The following EFCAB11 variants were observed in gnomAD, a reference collection of about 807,000 sequenced individuals.
EFCAB11 encodes EF-hand calcium-binding domain-containing protein 11.
Under a neutral mutation model 23.0 loss-of-function variants are expected in EFCAB11, and 14 were observed. The observed-to-expected ratio is 0.61, with a 90% confidence interval of 0.40 to 0.95. The LOEUF (loss-of-function observed/expected upper bound fraction) is 0.95. Among genes scored for constraint, EFCAB11 ranks in the 40% least tolerant of loss-of-function variants. The probability of loss-of-function intolerance (pLI) is 0.00; values close to 1 mark genes in which losing one functional copy is unlikely to be tolerated. For missense variants in EFCAB11, 198 were observed against 195.8 expected, an observed-to-expected ratio of 1.01 and a Z score of -0.07; for synonymous variants, 65 against 66.6, an observed-to-expected ratio of 0.98 and a Z score of 0.11.
intron 2 of EFCAB11, chr14:89,952,643 T>C (rs998899903): frequency 2.2e-5 from 21 of 976,012 alleles, no homozygotes; most frequent in Middle Eastern, 5.2e-4. Flanking sequence ...TTAATACTTA[T>C]TGTGCATCAC....
intron 5 of EFCAB11, among the ~76,000 whole-genome samples, chr14:89,838,679 A>T (rs1309468395): frequency 1.3e-5 from 2 of 152,206 alleles, no homozygotes; most frequent in African/African-American, 4.8e-5. Context: ...ATACAAACGC[A>T]TTTTGCTTCC....
chr14:89,894,702 C>A (rs573488795), intron 5 of EFCAB11, among the ~76,000 whole-genome samples: 1 of 152,046 alleles, frequency 6.6e-6, no homozygotes, highest in Non-Finnish European at 1.5e-5. Flanking sequence ...AGGATTGGAA[C>A]GGAAGAAATA....
chr14:89,824,587 G>T (rs1230730873), intron 5 of EFCAB11, among the ~76,000 whole-genome samples: 1 of 152,024 alleles, frequency 6.6e-6, no homozygotes, highest in African/African-American at 2.4e-5. Context: ...TAAAAATCAG[G>T]ATTGCCAGAA....
At chr14:89,886,584 T>A (rs1022840160) in intron 5 of EFCAB11, among the ~76,000 whole-genome samples, 1 of 149,270 alleles carries the variant, frequency 6.7e-6, no homozygotes, top group Non-Finnish European at 1.5e-5. Flanking sequence ...CTGATTTAAG[T>A]ATATCTTAAA....
At chr14:89,932,134 C>G (rs1566816890) in intron 4 of EFCAB11, among the ~76,000 whole-genome samples, 2 of 152,082 alleles carry the variant, frequency 1.3e-5, no homozygotes, top group Admixed American at 6.6e-5. Flanking sequence ...AGCCACCCAC[C>G]CCTCTCAGCC....
intron 2 of EFCAB11, among the ~76,000 whole-genome samples, chr14:89,951,781 C>T (rs1033311054): frequency 1.3e-5 from 2 of 151,528 alleles, no homozygotes; most frequent in African/African-American, 4.9e-5. Flanking sequence ...AAAAAAGAAC[C>T]GGGTATGGTC....
chr14:89,854,421 C>T (rs1252076570), intron 5 of EFCAB11, among the ~76,000 whole-genome samples: 1 of 152,126 alleles, frequency 6.6e-6, no homozygotes, highest in Admixed American at 6.5e-5. Flanking sequence ...ATTCAGGATA[C>T]TAAGCTATAA....
intron 5 of EFCAB11, among the ~76,000 whole-genome samples, chr14:89,872,680 T>C (rs1888318462): frequency 6.6e-6 from 1 of 152,158 alleles, no homozygotes; most frequent in Admixed American, 6.5e-5. Flanking sequence ...AGAATGTGAC[T>C]GTAATTAGAG....
At chr14:89,807,881 C>T (rs10135269) in intron 5 of EFCAB11, among the ~76,000 whole-genome samples, 4,249 of 151,972 alleles carry the variant, frequency 0.028, 204 homozygotes, top group African/African-American at 0.096. Context: ...ATCCTCAATT[C>T]GGTAATTAAA....
chr14:89,893,369 A>T (rs1889042878), intron 5 of EFCAB11, among the ~76,000 whole-genome samples: 3 of 152,046 alleles, frequency 2.0e-5, no homozygotes, highest in Admixed American at 2.0e-4. Flanking sequence ...GGAGGCTGGG[A>T]TGAACACGAA....
At chr14:89,908,756 T>C (rs1305437199) in intron 5 of EFCAB11, among the ~76,000 whole-genome samples, 1 of 152,060 alleles carries the variant, frequency 6.6e-6, no homozygotes, top group Non-Finnish European at 1.5e-5. Context: ...AGGTATACAA[T>C]GGAGATCAAT....
intron 5 of EFCAB11, among the ~76,000 whole-genome samples, chr14:89,819,579 G>A (rs74699876): frequency 0.017 from 2,580 of 151,896 alleles, 65 homozygotes; most frequent in African/African-American, 0.059. Context: ...ACAGGGACAT[G>A]CCACCATGTC....
At position 89,892,035 on chromosome 14, in the gene EFCAB11, C is replaced by T. The variant is rs1277745204; in HGVS notation, c.410+39506G>A. ...GAGCGCTTCAGCTGCATCACCGGGT[C>T]CTTTTACCGGAATGTGGTGGGTGTC... is the stretch of plus-strand genomic sequence containing the variant. On this transcript the variant is annotated intron_variant, in intron 5 of 5. Transcript: ENST00000316738. The T allele has an allele frequency of 1.9e-6, 3 of 1,538,532 alleles. No homozygotes were observed. In the African/African-American group the frequency reaches 4.1e-5, roughly 21 times the overall value.
intron 5 of EFCAB11, among the ~76,000 whole-genome samples, chr14:89,889,190 T>G (rs539502020): frequency 3.9e-5 from 6 of 152,342 alleles, no homozygotes; most frequent in African/African-American, 1.2e-4. Context: ...TCTTCCTTTT[T>G]TTGACAATTT....
At chr14:89,949,976 C>T (rs1891109722) in intron 3 of EFCAB11, 121 bp downstream of exon 3, 1 of 1,095,590 alleles carries the variant, frequency 9.1e-7, no homozygotes, top group African/African-American at 1.6e-5. Context: ...GATTCAGTTA[C>T]CTTCCACCAG....
chr14:89,871,747 G>A (rs144628754), intron 5 of EFCAB11, among the ~76,000 whole-genome samples: 6 of 152,156 alleles, frequency 3.9e-5, no homozygotes, highest in African/African-American at 1.4e-4. Flanking sequence ...ACCTCCCCTT[G>A]ATATTATCCT....
chr14:89,802,577 G>A lies in EFCAB11; in HGVS notation c.411-5253C>T, dbSNP rs914268160. ...CGGCTAATTTTTTGTAGTTTTAGTA[G>A]AGATGGGGTTTCGCCATGCTGACCA... On this transcript the variant is annotated intron_variant, in intron 5 of 5. Coordinates refer to ENST00000316738, the MANE Select transcript of EFCAB11 (RefSeq NM_145231.4). Among the ~76,000 whole-genome samples the A allele has an allele frequency of 2.0e-5, 3 of 152,258 alleles. No individual in the cohort carries two copies. In the East Asian group the frequency reaches 5.8e-4, roughly 29 times the overall value.
At chr14:89,935,397 G>GTTTTT (rs60594341) in intron 3 of EFCAB11, among the ~76,000 whole-genome samples, 1 of 135,794 alleles carries the variant, frequency 7.4e-6, no homozygotes, top group Non-Finnish European at 1.6e-5. Flanking sequence ...ATGCATGTGG[G>GTTTTT]TTTTTTTTTT....
intron 5 of EFCAB11, among the ~76,000 whole-genome samples, chr14:89,872,784 C>G (rs978103492): frequency 2.3e-4 from 34 of 150,276 alleles, no homozygotes; most frequent in Non-Finnish European, 7.4e-5. Context: ...GAGATTAGGA[C>G]ACACACACAC....
Sources: gnomAD v4.1 joint callset for allele counts (sites outside exome capture counted in the v4.1 genomes callset) on GRCh38, gnomAD v4.1.1 for gene constraint, MANE v1.5 for transcripts, NCBI Gene and HGNC (gene_info 2026-07-23, HGNC 2026-07-21) for gene names.